Variants in MCC observed in about 807,000 individuals in gnomAD.
The protein encoded by MCC is colorectal mutant cancer protein.
Under a neutral mutation model 116.2 loss-of-function variants are expected in MCC, and 90 were observed. The observed-to-expected ratio is 0.77, with a 90% confidence interval of 0.65 to 0.92. MCC has a LOEUF of 0.92. Ranked by LOEUF, MCC falls within the 40% of genes least tolerant of loss-of-function variation. MCC has a pLI of 0.00. For missense variants in MCC, 1,516 were observed against 1,312.2 expected, an observed-to-expected ratio of 1.16 and a Z score of -2.40; for synonymous variants, 578 against 510.5, an observed-to-expected ratio of 1.13 and a Z score of -1.78.
At chr5:113,355,961 C>T (rs760578239) in intron 2 of MCC, among the ~76,000 whole-genome samples, 3 of 152,140 alleles carry the variant, frequency 2.0e-5, no homozygotes, top group Non-Finnish European at 4.4e-5. Flanking sequence ...CCAAAGCACT[C>T]CCTGTGCCCA....
intron 3 of MCC, among the ~76,000 whole-genome samples, chr5:113,209,134 T>G (rs1414115085): frequency 6.6e-6 from 1 of 152,208 alleles, no homozygotes; most frequent in East Asian, 1.9e-4. Flanking sequence ...ATTCTGTTTA[T>G]CAAAGGTCTG....
Position 113,294,884 on chromosome 5 carries a change from C to G in MCC, c.627+45635G>C. 4.1e-6 allele frequency: 4 copies of G among 985,658 alleles called. No individual in the cohort carries two copies. The South Asian group carries it at 1.4e-4, about 35-fold the overall frequency. The allele number at this position is 985,658 out of a possible 1,614,324, so 61.1% of individuals were successfully genotyped here. A position where few individuals can be genotyped will look rare whatever the true frequency, so the allele number is the denominator to read the frequency against. On this transcript the variant is annotated intron_variant, in intron 3 of 18. Transcript: ENST00000408903. Reference sequence around the variant, plus strand: ...AGAAGGAAAGAAAGCTAGAGGGAGCCGGAGCGGAGCTGCACTTCACGCCGA... The same window carrying G: ...AGAAGGAAAGAAAGCTAGAGGGAGCGGGAGCGGAGCTGCACTTCACGCCGA...
intron 5 of MCC, among the ~76,000 whole-genome samples, chr5:113,128,155 G>A (rs2150274745): frequency 2.0e-5 from 3 of 152,348 alleles, no homozygotes; most frequent in Middle Eastern, 6.8e-3. Flanking sequence ...AACAGCATTT[G>A]ATAGACTGTC....
intron 8 of MCC, among the ~76,000 whole-genome samples, chr5:113,097,625 G>C (rs1184488680): frequency 6.6e-6 from 1 of 152,100 alleles, no homozygotes; most frequent in African/African-American, 2.4e-5. Context: ...AGGTAGAGTG[G>C]GACCAGCTCA....
At chr5:113,052,411 G>A (rs1392060646) in intron 15 of MCC, among the ~76,000 whole-genome samples, 1 of 151,454 alleles carries the variant, frequency 6.6e-6, no homozygotes, top group Non-Finnish European at 1.5e-5. Context: ...TCTACAGAGA[G>A]GTCAGGATGG....
chr5:113,202,787 TAAAA>T (rs11387012), intron 3 of MCC, among the ~76,000 whole-genome samples: 100 of 139,898 alleles, frequency 7.1e-4, no homozygotes, highest in African/African-American at 2.6e-3. Context: ...GCCCTTTATT[TAAAA>T]AAAAAAAAAA....
At chr5:113,087,313 C>T (rs1162436055) in intron 8 of MCC, among the ~76,000 whole-genome samples, 1 of 152,204 alleles carries the variant, frequency 6.6e-6, no homozygotes, top group African/African-American at 2.4e-5. Context: ...TAATGCTCTG[C>T]CACGGTTCCA....
intron 16 of MCC, among the ~76,000 whole-genome samples, chr5:113,044,137 G>C (rs1222522363): frequency 1.3e-5 from 2 of 152,170 alleles, no homozygotes; most frequent in East Asian, 3.9e-4. Context: ...AGAAATACCT[G>C]TGAATATCCT....
intron 11 of MCC, among the ~76,000 whole-genome samples, chr5:113,078,608 G>A (rs888959074): frequency 6.6e-6 from 1 of 152,114 alleles, no homozygotes; most frequent in Non-Finnish European, 1.5e-5. Context: ...ACATTCAACA[G>A]CTCTTCATGC....
intron 14 of MCC, among the ~76,000 whole-genome samples, chr5:113,057,822 A>G (rs900686987): frequency 1.3e-5 from 2 of 152,258 alleles, no homozygotes; most frequent in Non-Finnish European, 2.9e-5. Flanking sequence ...CGAACGCGCG[A>G]CAAAATTAGA....
chr5:113,406,932 A>G (rs1347752403), intron 1 of MCC, among the ~76,000 whole-genome samples: 1 of 152,190 alleles, frequency 6.6e-6, no homozygotes, highest in Admixed American at 6.5e-5. Flanking sequence ...AGCCTGGCCC[A>G]TCTGGCTCAA....
At chr5:113,252,834 C>T (rs577433407) in intron 3 of MCC, among the ~76,000 whole-genome samples, 10 of 152,302 alleles carry the variant, frequency 6.6e-5, no homozygotes, top group East Asian at 1.9e-4. Context: ...CATACTATAA[C>T]ACAACAACCA....
chr5:113,398,572 A>G (rs1476400491), intron 1 of MCC, among the ~76,000 whole-genome samples: 1 of 152,220 alleles, frequency 6.6e-6, no homozygotes, highest in African/African-American at 2.4e-5. Context: ...GTGAATTAAC[A>G]CAAGAACAGA....
chr5:113,245,343 C>G (rs1764533391), intron 3 of MCC, among the ~76,000 whole-genome samples: 1 of 151,330 alleles, frequency 6.6e-6, no homozygotes, highest in Non-Finnish European at 1.5e-5. Flanking sequence ...TCAACCCAAC[C>G]TTGAGGGACA....
rs1318118568 is a variant in MCC, at chr5:113,294,457, A to G, written c.627+46062T>C. ...TTAAGAGTTGGACTTCACAGGCTCAATATCCACTGCTTGGTCCCTTCTGCC... is the reference window on the plus strand; with the variant it reads ...TTAAGAGTTGGACTTCACAGGCTCAGTATCCACTGCTTGGTCCCTTCTGCC... On this transcript the variant is annotated intron_variant, in intron 3 of 18. Transcript: ENST00000408903. The G allele has an allele frequency of 2.4e-5, 38 of 1,610,010 alleles. No individual in the cohort carries two copies. The East Asian group carries it at 3.1e-4, about 13-fold the overall frequency.
chr5:113,273,944 A>G (rs1485217637), intron 3 of MCC, among the ~76,000 whole-genome samples: 1 of 152,190 alleles, frequency 6.6e-6, no homozygotes, highest in African/African-American at 2.4e-5. Context: ...ACTCCTAATT[A>G]TGGGCTCCTC....
In MCC at chr5:113,023,224, A is replaced by G. The variant is rs1471044917; in HGVS notation, c.*4078T>C. Reference sequence around the variant, plus strand: ...TGGAGCTTACTTTAACCTGACCTACATGAACATAAGATTTGTAGGATGTGG... The same window carrying G: ...TGGAGCTTACTTTAACCTGACCTACGTGAACATAAGATTTGTAGGATGTGG... On this transcript the variant is annotated 3_prime_UTR_variant, in exon 19 of 19. Transcript: ENST00000408903. 1.3e-5 allele frequency: 2 copies of G among 152,222 alleles called. No individual in the cohort carries two copies. Among genetic ancestry groups the G allele is most frequent in the Non-Finnish European group, 1.5e-5 (1 of 68,032 alleles). 9.4% of individuals were successfully genotyped at this position (152,222 alleles called of 1,614,324 possible). A position where few individuals can be genotyped will look rare whatever the true frequency, so the allele number is the denominator to read the frequency against.
At position 113,169,458 on chromosome 5, in the gene MCC, C is replaced by A. The variant is rs10071310; in HGVS notation, c.628-18036G>T. Among the ~76,000 whole-genome samples, 1,322 of 152,172 alleles carry A rather than the reference C, an allele frequency of 8.7e-3. 13 individuals are homozygous for A. The highest frequency in any genetic ancestry group is 0.016 in the Non-Finnish European group (1,109 of 68,010). Reference sequence around the variant, plus strand: ...ACACCCTATAACCAGCATGGACCAGCAAGGCCAAGCACACCAAGGAATGCT... The same window carrying A: ...ACACCCTATAACCAGCATGGACCAGAAAGGCCAAGCACACCAAGGAATGCT... On this transcript the variant is annotated intron_variant, in intron 3 of 18. Coordinates refer to ENST00000408903, the MANE Select transcript of MCC (RefSeq NM_001085377.2).
At chr5:113,466,911 G>A (rs1196090734) in intron 1 of MCC, among the ~76,000 whole-genome samples, 4 of 152,198 alleles carry the variant, frequency 2.6e-5, no homozygotes, top group Non-Finnish European at 5.9e-5. Context: ...CTGTGGTTTT[G>A]ATTTGCATTT....
Sources: allele counts gnomAD v4.1 joint callset (sites outside exome capture counted in the v4.1 genomes callset), GRCh38; gene constraint gnomAD v4.1.1; transcripts MANE v1.5; gene names NCBI Gene and HGNC (gene_info 2026-07-23, HGNC 2026-07-21).